The following DTNB variants were observed in gnomAD, a reference collection of about 807,000 sequenced individuals.
DTNB encodes DTN-B.
DTNB carries 63 observed loss-of-function variants against 90.7 expected under a neutral mutation model. That is an observed-to-expected ratio of 0.69 (90% CI 0.57 to 0.86). The LOEUF is 0.86. Ranked by LOEUF, DTNB falls within the 40% of genes least tolerant of loss-of-function variation. The pLI, the probability that DTNB is intolerant of heterozygous loss-of-function variation, is 0.00. For missense variants in DTNB, 744 were observed against 807.1 expected, an observed-to-expected ratio of 0.92 and a Z score of 0.95; for synonymous variants, 277 against 286.7, an observed-to-expected ratio of 0.97 and a Z score of 0.34.
At chr2:25,625,952 T>A (rs1241791025) in intron 4 of DTNB, among the ~76,000 whole-genome samples, 1 of 152,154 alleles carries the variant, frequency 6.6e-6, no homozygotes, top group Admixed American at 6.6e-5. Flanking sequence ...CCCTTTGTCA[T>A]GTGAGGATAC....
intron 8 of DTNB, among the ~76,000 whole-genome samples, chr2:25,556,144 G>T (rs1360121617): frequency 7.2e-6 from 1 of 139,804 alleles, no homozygotes; most frequent in African/African-American, 2.7e-5. Flanking sequence ...ACTACTAATG[G>T]ATGTTTTGGT....
intron 8 of DTNB, among the ~76,000 whole-genome samples, chr2:25,566,549 T>A (rs1172435787): frequency 6.6e-6 from 1 of 152,214 alleles, no homozygotes; most frequent in African/African-American, 2.4e-5. Flanking sequence ...TTTATGCATG[T>A]TGTCCCTGCA....
chr2:25,668,057 G>C (rs1026145663), intron 1 of DTNB, among the ~76,000 whole-genome samples: 1 of 152,238 alleles, frequency 6.6e-6, no homozygotes, highest in South Asian at 2.1e-4. Flanking sequence ...GGTTAACATG[G>C]TGAAACCCCG....
chr2:25,627,389 G>A (rs947428325), intron 4 of DTNB, among the ~76,000 whole-genome samples: 1 of 151,846 alleles, frequency 6.6e-6, no homozygotes, highest in African/African-American at 2.4e-5. Flanking sequence ...ACTCCAGCCT[G>A]GGCAACAAGA....
At chr2:25,532,763 C>T (rs930890323) in intron 8 of DTNB, among the ~76,000 whole-genome samples, 2 of 152,196 alleles carry the variant, frequency 1.3e-5, no homozygotes, top group African/African-American at 4.8e-5. Context: ...TCTGCTGCCT[C>T]TGCAGTTTAT....
intron 16 of DTNB, among the ~76,000 whole-genome samples, chr2:25,404,899 C>T (rs2044686221): frequency 6.6e-6 from 1 of 152,018 alleles, no homozygotes; most frequent in Admixed American, 6.6e-5. Flanking sequence ...AACTACACAA[C>T]CCGTGGAAAA....
At chr2:25,380,307 G>A (rs574787855) in intron 19 of DTNB, among the ~76,000 whole-genome samples, 2 of 152,266 alleles carry the variant, frequency 1.3e-5, no homozygotes, top group South Asian at 4.1e-4. Flanking sequence ...TTAGTCCTAG[G>A]TCTGTAAAAT....
chr2:25,639,014 G>A lies in DTNB; in HGVS notation c.148C>T (p.Leu50Phe), dbSNP rs773532655. ...KLRFVQKRCN[L>F]HLVDIWNMIE... ...ACAGAAATGAGTAGAAATGACTCAC[G>A]GTTGCATCGTTTTTGTACAAATCGT... Residue 50 changes from leucine (L) to phenylalanine (F), a missense_variant and splice_region_variant, in exon 3 of 21, where the codon CTT becomes TTT. Leu to Phe is a conservative substitution (Grantham distance 22). Coordinates refer to ENST00000406818, the MANE Select transcript of DTNB (RefSeq NM_021907.5). The A allele has an allele frequency of 1.6e-5, 26 of 1,579,630 alleles. No individual in the cohort carries two copies. Among genetic ancestry groups the A allele is most frequent in the Admixed American group, 3.5e-5 (2 of 57,118 alleles).
intron 4 of DTNB, among the ~76,000 whole-genome samples, chr2:25,613,751 C>T (rs376114897): frequency 1.3e-5 from 2 of 151,652 alleles, no homozygotes; most frequent in East Asian, 1.9e-4. Context: ...TGAGGTCAGG[C>T]GTTTGAGACT....
intron 16 of DTNB, among the ~76,000 whole-genome samples, chr2:25,415,562 A>G (rs929021031): frequency 1.3e-5 from 2 of 152,050 alleles, no homozygotes; most frequent in African/African-American, 4.8e-5. Flanking sequence ...TAGCTTCAGG[A>G]TGGGGACTGG....
intron 10 of DTNB, among the ~76,000 whole-genome samples, chr2:25,471,577 G>A (rs939029090): frequency 6.6e-6 from 1 of 151,912 alleles, no homozygotes; most frequent in Admixed American, 6.6e-5. Context: ...TGTATTTTTC[G>A]TTGAGACAGG....
rs934969202 is a variant in DTNB at position 25,587,975 on chromosome 2, T to A, written c.604-7149A>T. 3.3e-5 allele frequency among the ~76,000 whole-genome samples: 5 copies of A among 152,194 alleles called. No homozygotes were observed. The South Asian group carries it at 6.2e-4, about 19-fold the overall frequency. The stretch of plus-strand genomic sequence containing the variant: ...AACTCAATGACTTAATTAAGCATAA[T>A]CCTTCGTGACATGTGAATTGGTCAC... On this transcript the variant is annotated intron_variant, in intron 6 of 20. Transcript: ENST00000406818.
intron 8 of DTNB, among the ~76,000 whole-genome samples, chr2:25,567,413 G>A (rs1004940363): frequency 6.6e-6 from 1 of 152,202 alleles, no homozygotes; most frequent in Admixed American, 6.5e-5. Flanking sequence ...CTGACTCCCT[G>A]AATGGCTTAC....
At chr2:25,617,974 G>A (rs938821846) in intron 4 of DTNB, among the ~76,000 whole-genome samples, 12 of 152,090 alleles carry the variant, frequency 7.9e-5, no homozygotes, top group Non-Finnish European at 5.9e-5. Context: ...AATTAATGAA[G>A]GGGTAGTCTC....
intron 10 of DTNB, among the ~76,000 whole-genome samples, chr2:25,470,418 C>T (rs954569230): frequency 1.3e-5 from 2 of 149,850 alleles, no homozygotes; most frequent in African/African-American, 4.9e-5. Flanking sequence ...CTGTTGTGCC[C>T]AGGCTGGAGT....
At chr2:25,574,224 G>C (rs745533573) in intron 8 of DTNB, among the ~76,000 whole-genome samples, 1 of 152,166 alleles carries the variant, frequency 6.6e-6, no homozygotes, top group Non-Finnish European at 1.5e-5. Flanking sequence ...AAGCTCCACA[G>C]GGCAGGAGTC....
At chr2:25,637,322 C>T (rs986297803) in intron 3 of DTNB, among the ~76,000 whole-genome samples, 4 of 152,048 alleles carry the variant, frequency 2.6e-5, no homozygotes, top group South Asian at 2.1e-4. Context: ...TCTAAAACAC[C>T]AAAAGCAATG....
chr2:25,522,914 T>C (rs1364979796), intron 9 of DTNB, among the ~76,000 whole-genome samples: 1 of 152,152 alleles, frequency 6.6e-6, no homozygotes, highest in Non-Finnish European at 1.5e-5. Flanking sequence ...TTGGTTAAGT[T>C]AGTCTTGAAC....
At chr2:25,571,228 T>A (rs567806133) in intron 8 of DTNB, among the ~76,000 whole-genome samples, 1 of 152,356 alleles carries the variant, frequency 6.6e-6, no homozygotes, top group Admixed American at 6.5e-5. Context: ...TCCGACCATA[T>A]CTTGTTTTAA....
Sources: allele counts gnomAD v4.1 joint callset (sites outside exome capture counted in the v4.1 genomes callset), GRCh38; gene constraint gnomAD v4.1.1; transcripts MANE v1.5; gene names NCBI Gene and HGNC (gene_info 2026-07-23, HGNC 2026-07-21).